E2F5: variants seen among roughly 807,000 people sequenced by gnomAD.
E2F5 encodes transcription factor E2F5.
A neutral mutation model predicts 39.1 loss-of-function variants in E2F5; 23 were observed. The ratio of observed to expected loss-of-function variants is 0.59; its 90% CI spans 0.42 to 0.83. The LOEUF is 0.83. Ranked by LOEUF, E2F5 falls within the 40% of genes least tolerant of loss-of-function variation. The pLI is 0.00. For missense variants in E2F5, 365 were observed against 406.7 expected, an observed-to-expected ratio of 0.90 and a Z score of 0.88; for synonymous variants, 145 against 157.8, an observed-to-expected ratio of 0.92 and a Z score of 0.61.
intron 1 of E2F5, among the ~76,000 whole-genome samples, chr8:85,181,338 C>CT (rs1049721996): frequency 7.0e-4 from 106 of 150,378 alleles, no homozygotes; most frequent in Middle Eastern, 3.4e-3. Context: ...CACATTTCTT[C>CT]TTTTTTTTTG....
At position 85,207,147 on chromosome 8, in the gene E2F5, T is replaced by A. The variant is rs191176321; in HGVS notation, c.551-278T>A. On this transcript the variant is annotated intron_variant, in intron 4 of 7. Transcript: ENST00000416274. ...TTAAGAATCTCAGACTTTACAGGAG[T>A]CTTAGTCAAAGCAAAATCAACTTGA... Among the ~76,000 whole-genome samples the A allele has an allele frequency of 5.1e-4, 78 of 152,296 alleles. 2 individuals carry two copies. In the East Asian group the frequency reaches 8.3e-3, roughly 16 times the overall value.
chr8:85,201,849 G>A (rs1812704024), intron 1 of E2F5: 1 of 355,142 alleles, frequency 2.8e-6, no homozygotes, highest in African/African-American at 2.2e-5. Context: ...CTCCTCCTCA[G>A]GATTAGTCCA....
intron 7 of E2F5, chr8:85,213,523 A>C (rs993927605): frequency 4.4e-6 from 1 of 229,164 alleles, no homozygotes; most frequent in Non-Finnish European, 7.7e-6. Flanking sequence ...AGCCTGGACG[A>C]AACAGGGAGA....
At chr8:85,178,979 T>C (rs4150844) in intron 1 of E2F5, among the ~76,000 whole-genome samples, 2,108 of 152,366 alleles carry the variant, frequency 0.014, 17 homozygotes, top group Non-Finnish European at 0.023. Flanking sequence ...CTTTTTGATA[T>C]GTTATTCCTG....
chr8:85,205,507 T>TG (rs1812784536), intron 3 of E2F5, among the ~76,000 whole-genome samples: 2 of 152,010 alleles, frequency 1.3e-5, no homozygotes, highest in South Asian at 4.2e-4. Context: ...AGGCTGGTCT[T>TG]GAACTCCTGA....
rs1226140570 is a variant in E2F5 at position 85,177,503 on chromosome 8, C to T, written c.83C>T (p.Pro28Leu). ...GQGQRPPPQP[P>L]QAQAPQPPPP... ...GGCCAGCGGCCGCCGCCGCAGCCTC[C>T]GCAGGCGCAAGCCCCGCAGCCGCCC... is the stretch of plus-strand genomic sequence containing the variant. Residue 28 changes from proline to leucine, a missense_variant, in exon 1 of 8, where the codon CCG becomes CTG. Pro to Leu is a moderately conservative substitution (Grantham distance 98). Transcript: ENST00000416274. 1.8e-6 allele frequency: 2 copies of T among 1,084,328 alleles called. No homozygotes were observed. Among genetic ancestry groups the T allele is most frequent in the South Asian group, 4.3e-5 (1 of 23,054 alleles). The allele number at this position is 1,084,328 out of a possible 1,614,324, so 67.2% of individuals were successfully genotyped here. A position where few individuals can be genotyped will look rare whatever the true frequency, so the allele number is the denominator to read the frequency against.
intron 1 of E2F5, among the ~76,000 whole-genome samples, chr8:85,189,724 C>G (rs1437111923): frequency 6.6e-6 from 1 of 152,202 alleles, no homozygotes; most frequent in Non-Finnish European, 1.5e-5. Flanking sequence ...TGATCTGTCA[C>G]ATTACCCAGA....
intron 1 of E2F5, among the ~76,000 whole-genome samples, chr8:85,198,514 C>T (rs1053907125): frequency 3.6e-4 from 55 of 152,198 alleles, no homozygotes; most frequent in African/African-American, 1.3e-3. Context: ...GCCAAAACAG[C>T]TCTGATCAAA....
At chr8:85,207,383 C>A in intron 4 of E2F5, 42 bp from the exon 5 acceptor site, 1 of 1,502,656 alleles carries the variant, frequency 6.7e-7, no homozygotes, top group Non-Finnish European at 9.0e-7. Flanking sequence ...ATTCCATGAT[C>A]AACAGTATTT....
chr8:85,181,647 TTAA>T (rs1304038230), intron 1 of E2F5, among the ~76,000 whole-genome samples: 5 of 144,626 alleles, frequency 3.5e-5, no homozygotes, highest in African/African-American at 1.2e-4. Flanking sequence ...CCATTTCTTC[TTAA>T]TAATATAACT....
intron 6 of E2F5, among the ~76,000 whole-genome samples, chr8:85,210,553 C>A (rs996140468): frequency 6.6e-6 from 1 of 151,892 alleles, no homozygotes. Flanking sequence ...TGGCGGCGCA[C>A]ACCTGTAGTC....
chr8:85,181,587 C>T (rs1812215058), intron 1 of E2F5, among the ~76,000 whole-genome samples: 1 of 149,116 alleles, frequency 6.7e-6, no homozygotes, highest in African/African-American at 2.4e-5. Context: ...GATCCTCCCA[C>T]CTCGGCCTCC....
chr8:85,193,614 T>C (rs1393687889), intron 1 of E2F5, among the ~76,000 whole-genome samples: 1 of 152,216 alleles, frequency 6.6e-6, no homozygotes, highest in Non-Finnish European at 1.5e-5. Flanking sequence ...AACAGTTCCC[T>C]TTTGCCTCCT....
At position 85,213,783 on chromosome 8, in the gene E2F5, C is replaced by A; in HGVS notation, c.962C>A (p.Pro321Gln). The A allele has an allele frequency of 1.2e-6, 2 of 1,613,008 alleles. No individual in the cohort carries two copies. Among genetic ancestry groups the A allele is most frequent in the African/African-American group, 2.7e-5 (2 of 74,972 alleles). The change falls in exon 8 of 8, where the codon CCG (proline) becomes CAG (glutamine). Residue 321 changes from proline (P) to glutamine (Q), a missense_variant. Physicochemically the swap from Pro to Gln is moderately conservative, Grantham distance 76. Transcript: ENST00000416274. Reference protein sequence around the residue: ...VFPLLRLSPTPADDYNFNLDD... With the variant: ...VFPLLRLSPTQADDYNFNLDD... ...CCTCTCTTAAGGCTTTCTCCTACCC[C>A]GGCAGATGACTACAACTTTAATTTA... is the stretch of plus-strand genomic sequence containing the variant.
intron 1 of E2F5, among the ~76,000 whole-genome samples, chr8:85,181,475 C>T (rs1812211730): frequency 6.7e-6 from 1 of 150,152 alleles, no homozygotes; most frequent in Non-Finnish European, 1.5e-5. Context: ...GGACTACAGG[C>T]GCCCGCCACC....
At chr8:85,206,495 C>T (rs760257835) in intron 4 of E2F5, among the ~76,000 whole-genome samples, 2 of 152,098 alleles carry the variant, frequency 1.3e-5, no homozygotes, top group Admixed American at 6.5e-5. Flanking sequence ...TAAATCAGAG[C>T]GGGATTAAGC....
In E2F5 at chr8:85,212,179, C is replaced by T; in HGVS notation, c.906C>T (p.Ile302=). Residue 302 remains isoleucine (I), a synonymous_variant, in exon 7 of 8, where the codon ATC becomes ATT. Transcript: ENST00000416274. The part of the protein sequence containing the change: ...ISSAGSISGD[I]IDELMSSDVF... Reference sequence around the variant, plus strand: ...CAGCAGGATCTATTAGTGGAGATATCATTGATGAGTTAATGTCTTCTGACG... The same window carrying T: ...CAGCAGGATCTATTAGTGGAGATATTATTGATGAGTTAATGTCTTCTGACG... 1.2e-6 allele frequency: 2 copies of T among 1,610,332 alleles called. No individual in the cohort carries two copies. Among genetic ancestry groups the T allele is most frequent in the Non-Finnish European group, 1.7e-6 (2 of 1,177,854 alleles).
intron 1 of E2F5, among the ~76,000 whole-genome samples, chr8:85,181,704 A>G (rs938437469): frequency 6.0e-5 from 9 of 149,732 alleles, no homozygotes; most frequent in African/African-American, 2.4e-5. Context: ...TCACGCCTGT[A>G]ATCCCAGCAC....
At chr8:85,181,112 A>T (rs1812203736) in intron 1 of E2F5, among the ~76,000 whole-genome samples, 1 of 151,814 alleles carries the variant, frequency 6.6e-6, no homozygotes, top group African/African-American at 2.4e-5. Context: ...TCCTGAGCTC[A>T]AAGCTATCTG....
Sources: allele counts gnomAD v4.1 joint callset (sites outside exome capture counted in the v4.1 genomes callset), GRCh38; gene constraint gnomAD v4.1.1; transcripts MANE v1.5; gene names NCBI Gene and HGNC (gene_info 2026-07-23, HGNC 2026-07-21).